Variants in PATJ observed in about 807,000 individuals in gnomAD.
PATJ encodes PATJ crumbs cell polarity complex component, also known as inaD-like protein.
A neutral mutation model predicts 224.9 loss-of-function variants in PATJ; 190 were observed. That is an observed-to-expected ratio of 0.84 (90% confidence interval 0.75 to 0.95). PATJ has a LOEUF of 0.95. Among genes scored for constraint, PATJ ranks in the 40% least tolerant of loss-of-function variants. The pLI, the probability that PATJ is intolerant of heterozygous loss-of-function variation, is 0.00. For synonymous variants in PATJ, 769 were observed against 820.3 expected (o/e 0.94, Z 1.07); for missense variants, 2,121 against 2,270.3 (o/e 0.93, Z 1.34).
chr1:61,829,248 A>G (rs1011341366), intron 16 of PATJ, among the ~76,000 whole-genome samples: 3 of 152,228 alleles, frequency 2.0e-5, no homozygotes, highest in Admixed American at 6.5e-5. Flanking sequence ...TATTAGGCAT[A>G]TAAGAGGGGC....
chr1:61,985,777 G>A (rs1332886487), intron 27 of PATJ, among the ~76,000 whole-genome samples: 1 of 151,896 alleles, frequency 6.6e-6, no homozygotes, highest in Non-Finnish European at 1.5e-5. Context: ...GGACTGTGTG[G>A]CTTTTCTTCA....
chr1:61,855,382 C>T (rs1570916828), intron 17 of PATJ, among the ~76,000 whole-genome samples: 1 of 152,254 alleles, frequency 6.6e-6, no homozygotes, highest in African/African-American at 2.4e-5. Context: ...CTTGATACAA[C>T]CTGATATTTG....
intron 27 of PATJ, among the ~76,000 whole-genome samples, chr1:61,937,682 C>T: frequency 7.5e-6 from 1 of 132,786 alleles, no homozygotes; most frequent in South Asian, 2.4e-4. Context: ...CGGAGCGTTG[C>T]TCTTGTTGCC....
intron 3 of PATJ, among the ~76,000 whole-genome samples, chr1:61,765,494 T>C (rs1286836): frequency 0.92 from 140,587 of 151,990 alleles, 65,676 homozygotes; most frequent in East Asian, 1. Context: ...AGCAATTCTC[T>C]TGCCTCAGCC....
intron 32 of PATJ, among the ~76,000 whole-genome samples, chr1:62,083,636 C>A (rs1445390865): frequency 6.6e-6 from 1 of 152,132 alleles, no homozygotes; most frequent in East Asian, 1.9e-4. Flanking sequence ...CCTCTATGAA[C>A]CCCGCAAGTA....
intron 32 of PATJ, 137 bp downstream of exon 32, chr1:62,079,704 G>T (rs1272811001): frequency 3.0e-6 from 2 of 660,114 alleles, no homozygotes; most frequent in East Asian, 5.2e-5. Flanking sequence ...TAGCTTTGGG[G>T]CTTGGATAGG....
At chr1:62,096,287 G>A (rs995789154) in intron 33 of PATJ, among the ~76,000 whole-genome samples, 1 of 152,028 alleles carries the variant, frequency 6.6e-6, no homozygotes, top group Admixed American at 6.6e-5. Flanking sequence ...GAGAATGATG[G>A]CAAAAGTGCT....
intron 27 of PATJ, among the ~76,000 whole-genome samples, chr1:61,933,455 C>A (rs183876659): frequency 1.3e-5 from 2 of 151,036 alleles, no homozygotes; most frequent in South Asian, 2.1e-4. Context: ...GCAGAAGAAT[C>A]GCTTGAACTT....
chr1:61,904,988 G>A (rs554765024), intron 24 of PATJ, among the ~76,000 whole-genome samples: 46 of 152,278 alleles, frequency 3.0e-4, no homozygotes, highest in African/African-American at 8.7e-4. Flanking sequence ...TTTGGGAGGC[G>A]GAGGCAGGAA....
chr1:61,899,258 A>G (rs1479394978), intron 22 of PATJ, among the ~76,000 whole-genome samples: 3 of 152,186 alleles, frequency 2.0e-5, no homozygotes, highest in Non-Finnish European at 2.9e-5. Context: ...TTTAAGGAAT[A>G]CATTTTATAA....
At chr1:61,812,827 C>A (rs529348668) in intron 14 of PATJ, among the ~76,000 whole-genome samples, 1 of 151,822 alleles carries the variant, frequency 6.6e-6, no homozygotes, top group African/African-American at 2.4e-5. Flanking sequence ...CCAGCCTGGG[C>A]AATACAGCGA....
chr1:62,015,983 G>T (rs530675273), intron 28 of PATJ, among the ~76,000 whole-genome samples: 2 of 152,236 alleles, frequency 1.3e-5, no homozygotes, highest in African/African-American at 2.4e-5. Context: ...TAGAGACAGG[G>T]TTTCACCATG....
chr1:61,972,902 C>G (rs1557969531), intron 27 of PATJ, among the ~76,000 whole-genome samples: 1 of 151,840 alleles, frequency 6.6e-6, no homozygotes, highest in African/African-American at 2.4e-5. Context: ...GACTCTAAAG[C>G]TTGTATACTT....
chr1:61,942,288 T>G (rs1677934150), intron 27 of PATJ, among the ~76,000 whole-genome samples: 1 of 152,204 alleles, frequency 6.6e-6, no homozygotes, highest in South Asian at 2.1e-4. Flanking sequence ...AAAGCATTTC[T>G]TTTTACAGCT....
chr1:61,959,443 T>A (rs1375613202), intron 27 of PATJ, among the ~76,000 whole-genome samples: 7 of 104,364 alleles, frequency 6.7e-5, no homozygotes, highest in Non-Finnish European at 1.5e-4. Flanking sequence ...TCTTTTCTTT[T>A]TTTTTTTTTT....
intron 31 of PATJ, among the ~76,000 whole-genome samples, chr1:62,065,454 T>G (rs1458338315): frequency 6.6e-6 from 1 of 152,126 alleles, no homozygotes; most frequent in African/African-American, 2.4e-5. Context: ...CTACTAAAAA[T>G]ACAAAAATTA....
Position 61,780,444 on chromosome 1 carries a change from G to A in PATJ, c.849+5110G>A, listed in dbSNP as rs531913319. On this transcript the variant is annotated intron_variant, in intron 7 of 43. Transcript: ENST00000642238. Reference sequence around the variant, plus strand: ...CACGCCACAGCACTGCAGCCTGGGCGACAGAGCAAGACTCTTTCTCAAAAC... The same window carrying A: ...CACGCCACAGCACTGCAGCCTGGGCAACAGAGCAAGACTCTTTCTCAAAAC... 9.9e-5 allele frequency among the ~76,000 whole-genome samples: 15 copies of A among 152,152 alleles called. No homozygotes were observed. In the South Asian group the frequency reaches 1.7e-3, roughly 17 times the overall value.
rs184612056 is a variant in PATJ at position 61,858,542 on chromosome 1, G to A, written c.2322+2303G>A. On this transcript the variant is annotated intron_variant, in intron 18 of 43. Coordinates refer to ENST00000642238, the MANE Select transcript of PATJ (RefSeq NM_001350145.3). Reference sequence around the variant, plus strand: ...CTCCCAAAGTGCTGAGATTACAGGCGTGAGCCACCACAGCTGGCCATGCCA... The same window carrying A: ...CTCCCAAAGTGCTGAGATTACAGGCATGAGCCACCACAGCTGGCCATGCCA... 1.4e-3 allele frequency among the ~76,000 whole-genome samples: 207 copies of A among 152,146 alleles called. 1 individual carries two copies. Among genetic ancestry groups the A allele is most frequent in the Admixed American group, 0.012 (177 of 15,280 alleles).
intron 39 of PATJ, among the ~76,000 whole-genome samples, chr1:62,125,274 A>AAAAAAAAAAAAT (rs1558204118): frequency 6.9e-6 from 1 of 145,898 alleles, no homozygotes; most frequent in Non-Finnish European, 1.5e-5. Flanking sequence ...CAAAAAAAAA[A>AAAAAAAAAAAAT]CGCCATTAGC....
Sources: allele counts gnomAD v4.1 joint callset (sites outside exome capture counted in the v4.1 genomes callset), GRCh38; gene constraint gnomAD v4.1.1; transcripts MANE v1.5; gene names NCBI Gene and HGNC (gene_info 2026-07-23, HGNC 2026-07-21).